USP48: variants seen among roughly 807,000 people sequenced by gnomAD.
The protein encoded by USP48 is ubiquitin specific peptidase 48.
In USP48, 43 loss-of-function variants were observed where a neutral mutation model predicts 150.7. The ratio of observed to expected loss-of-function variants is 0.29; its 90% CI spans 0.22 to 0.37. USP48 has a LOEUF of 0.37. Among genes scored for constraint, USP48 ranks in the 10% least tolerant of loss-of-function variants. The probability of loss-of-function intolerance (pLI) is 1.00; values close to 1 mark genes in which losing one functional copy is unlikely to be tolerated. For synonymous variants in USP48, 396 were observed against 425.9 expected, an observed-to-expected ratio of 0.93 and a Z score of 0.86; for missense variants, 813 against 1,249.6, an observed-to-expected ratio of 0.65 and a Z score of 5.27.
intron 1 of USP48, among the ~76,000 whole-genome samples, chr1:21,772,150 G>A (rs766228354): frequency 4.6e-5 from 7 of 151,982 alleles, no homozygotes; most frequent in African/African-American, 1.2e-4. Context: ...TAAACCATCA[G>A]TACTAAAACA....
intron 9 of USP48, among the ~76,000 whole-genome samples, chr1:21,732,139 C>A (rs539780767): frequency 6.6e-6 from 1 of 152,202 alleles, no homozygotes; most frequent in Non-Finnish European, 1.5e-5. Flanking sequence ...ATTAGCCAGG[C>A]ATGGTGACGC....
intron 9 of USP48, among the ~76,000 whole-genome samples, chr1:21,733,652 G>C (rs2097762247): frequency 6.6e-6 from 1 of 152,188 alleles, no homozygotes; most frequent in Middle Eastern, 3.4e-3. Context: ...TTCTTGAACT[G>C]TTTTAAAATC....
At chr1:21,740,763 T>G (rs760909539) in intron 8 of USP48, among the ~76,000 whole-genome samples, 3 of 152,132 alleles carry the variant, frequency 2.0e-5, no homozygotes, top group Admixed American at 1.3e-4. Context: ...TTAAGTATGT[T>G]TAAAGAAATA....
chr1:21,708,168 AACAAAACAAAACAAC>A (rs1003188077), intron 15 of USP48, among the ~76,000 whole-genome samples: 13 of 152,076 alleles, frequency 8.5e-5, no homozygotes, highest in African/African-American at 2.4e-4. Context: ...ATCTCAAAAA[AACAAAACAAAACAAC>A]ACAAAACAAA....
chr1:21,758,616 G>A (rs529378615), intron 1 of USP48, among the ~76,000 whole-genome samples: 33 of 152,078 alleles, frequency 2.2e-4, no homozygotes, highest in East Asian at 5.8e-4. Context: ...CGGGCGTGGC[G>A]GTGCGGGCCT....
chr1:21,723,864 C>T lies in USP48; in HGVS notation c.1648+34G>A, dbSNP rs991324491. 27 of 1,576,126 alleles carry T rather than the reference C, an allele frequency of 1.7e-5. No homozygotes were observed. The Admixed American group carries it at 2.7e-4, about 16-fold the overall frequency. ...CATAAGATGAAGATTTAATGAGCTG[C>T]TCTTTTTTAAACAGAGAGGACATCT... is the stretch of plus-strand genomic sequence containing the variant. On this transcript the variant is annotated intron_variant, in intron 12 of 26. Coordinates refer to ENST00000308271, the MANE Select transcript of USP48 (RefSeq NM_032236.8).
At chr1:21,748,577 A>T (rs1451810227) in intron 6 of USP48, among the ~76,000 whole-genome samples, 1 of 152,268 alleles carries the variant, frequency 6.6e-6, no homozygotes, top group Non-Finnish European at 1.5e-5. Context: ...TAAGTTTTAA[A>T]AAGAAATGTC....
At chr1:21,704,896 T>C (rs1362291147) in intron 19 of USP48, among the ~76,000 whole-genome samples, 1 of 152,120 alleles carries the variant, frequency 6.6e-6, no homozygotes, top group Admixed American at 6.6e-5. Context: ...AACACACATT[T>C]GCTTACTGGT....
At chr1:21,765,565 C>A (rs1384670201) in intron 1 of USP48, among the ~76,000 whole-genome samples, 4 of 149,498 alleles carry the variant, frequency 2.7e-5, no homozygotes, top group Non-Finnish European at 4.4e-5. Context: ...TGCAGTGAGC[C>A]GAGATCACGC....
At chr1:21,781,885 G>A (rs1467214578) in intron 1 of USP48, 3 of 152,278 alleles carry the variant, frequency 2.0e-5, no homozygotes, top group East Asian at 3.9e-4. Flanking sequence ...CCCTCCTTGT[G>A]AGACAGACGC....
At chr1:21,771,371 C>T (rs1357006591) in intron 1 of USP48, among the ~76,000 whole-genome samples, 1 of 142,458 alleles carries the variant, frequency 7.0e-6, no homozygotes, top group African/African-American at 2.6e-5. Context: ...AAGACTCCAT[C>T]TCAAAAAAAA....
chr1:21,730,570 T>A (rs1206350035), intron 9 of USP48, among the ~76,000 whole-genome samples: 1 of 151,236 alleles, frequency 6.6e-6, no homozygotes, highest in Non-Finnish European at 1.5e-5. Context: ...GGCACATGCC[T>A]GTAATCCCAG....
chr1:21,755,456 G>A (rs771259069), intron 3 of USP48, among the ~76,000 whole-genome samples: 2 of 152,314 alleles, frequency 1.3e-5, no homozygotes, highest in African/African-American at 4.8e-5. Flanking sequence ...AACTACTCGG[G>A]GGGGCTCTGG....
chr1:21,751,485 A>G, intron 6 of USP48, 22 bp downstream of exon 6: 1 of 1,570,312 alleles, frequency 6.4e-7, no homozygotes, highest in Non-Finnish European at 8.8e-7. Flanking sequence ...CAGGAACAAT[A>G]CATACACCAA....
chr1:21,736,295 A>C (rs1215017850), intron 9 of USP48, 151 bp downstream of exon 9: 2 of 798,206 alleles, frequency 2.5e-6, no homozygotes, highest in Non-Finnish European at 3.8e-6. Flanking sequence ...TGCTAATACA[A>C]GATGTTCAGT....
In USP48 at chr1:21,723,970, T is replaced by A; in HGVS notation, c.1576A>T (p.Ile526Phe). ...HDKLHPDKISIMKRISEYAAD... is the reference protein window; with the variant it reads ...HDKLHPDKISFMKRISEYAAD... ...GCATATTCAGATATCCTCTTCATAA[T>A]TGATATTTTATCCGGGTGAAGCTTG... The change falls in exon 12 of 27, where the codon ATT becomes TTT. Residue 526 changes from isoleucine to phenylalanine, a missense_variant. Ile to Phe is a conservative substitution (Grantham distance 21). Coordinates refer to ENST00000308271, the MANE Select transcript of USP48 (RefSeq NM_032236.8). 1 of 1,614,188 alleles carries A rather than the reference T, an allele frequency of 6.2e-7. No individual in the cohort carries two copies. Among genetic ancestry groups the A allele is most frequent in the Non-Finnish European group, 8.5e-7 (1 of 1,180,018 alleles).
chr1:21,746,291 G>A (rs1355687452), intron 8 of USP48, among the ~76,000 whole-genome samples: 1 of 152,154 alleles, frequency 6.6e-6, no homozygotes, highest in Non-Finnish European at 1.5e-5. Flanking sequence ...CTTGAGGCCA[G>A]GAGTTTGAGA....
At chr1:21,754,032 A>G (rs1485915647) in intron 3 of USP48, among the ~76,000 whole-genome samples, 1 of 151,394 alleles carries the variant, frequency 6.6e-6, no homozygotes, top group Non-Finnish European at 1.5e-5. Flanking sequence ...ATGGTAGTAC[A>G]CGCCTGTAAT....
chr1:21,721,068 T>C lies in USP48; in HGVS notation c.1862A>G (p.Asn621Ser). The C allele has an allele frequency of 6.2e-7, 1 of 1,614,278 alleles. No individual in the cohort carries two copies. The highest frequency in any genetic ancestry group is 8.5e-7 in the Non-Finnish European group (1 of 1,180,042). The change falls in exon 14 of 27, where the codon AAC becomes AGC. Residue 621 changes from asparagine (N) to serine (S), a missense_variant. Transcript: ENST00000308271. Reference protein sequence around the residue: ...DEQDGDAEQSNGKMNGSTLNK... With the variant: ...DEQDGDAEQSSGKMNGSTLNK... ...TAAGGTGCTACCGTTCATCTTTCCGTTGCTTTGTTCTGCATCACCATCTTG... is the reference window on the plus strand; with the variant it reads ...TAAGGTGCTACCGTTCATCTTTCCGCTGCTTTGTTCTGCATCACCATCTTG...
Sources: allele counts gnomAD v4.1 joint callset (sites outside exome capture counted in the v4.1 genomes callset), GRCh38; gene constraint gnomAD v4.1.1; transcripts MANE v1.5; gene names NCBI Gene and HGNC (gene_info 2026-07-23, HGNC 2026-07-21).